ITGA8: variants seen among roughly 807,000 people sequenced by gnomAD.
ITGA8 encodes integrin subunit alpha 8, also known as integrin alpha-8.
A neutral mutation model predicts 142.3 loss-of-function variants in ITGA8; 91 were observed. The observed-to-expected ratio is 0.64, with a 90% confidence interval of 0.54 to 0.76. The LOEUF (loss-of-function observed/expected upper bound fraction) is 0.76. Among genes scored for constraint, ITGA8 ranks in the 30% least tolerant of loss-of-function variants. ITGA8 has a pLI of 0.00. For synonymous variants in ITGA8, 505 were observed against 485.2 expected (o/e 1.04, Z -0.54); for missense variants, 1,406 against 1,327.7 (o/e 1.06, Z -0.92).
chr10:15,644,699 C>T (rs77374750), intron 12 of ITGA8, among the ~76,000 whole-genome samples: 4 of 150,068 alleles, frequency 2.7e-5, no homozygotes, highest in Admixed American at 6.7e-5. Flanking sequence ...AAAGCAGTAT[C>T]GAAACTCTAA....
intron 13 of ITGA8, among the ~76,000 whole-genome samples, chr10:15,626,040 A>G (rs565391738): frequency 2.6e-5 from 4 of 152,276 alleles, no homozygotes; most frequent in Non-Finnish European, 4.4e-5. Context: ...AACAGGCAAC[A>G]TGGCACCTGC....
intron 7 of ITGA8, 48 bp from the exon 8 acceptor site, chr10:15,671,695 C>A (rs781736039): frequency 1.4e-6 from 2 of 1,451,968 alleles, no homozygotes; most frequent in Admixed American, 1.7e-5. Flanking sequence ...ATGACTTAAC[C>A]TAATGAGTTA....
At chr10:15,555,785 T>A (rs1434775424) in intron 26 of ITGA8, among the ~76,000 whole-genome samples, 3 of 150,620 alleles carry the variant, frequency 2.0e-5, no homozygotes, top group Non-Finnish European at 4.4e-5. Context: ...AAGCTCCGCC[T>A]CCCGGGTTCA....
At chr10:15,669,164 T>G (rs1588711247) in intron 8 of ITGA8, among the ~76,000 whole-genome samples, 1 of 152,210 alleles carries the variant, frequency 6.6e-6, no homozygotes, top group African/African-American at 2.4e-5. Context: ...ACCAATCAGA[T>G]GTAGATTTGG....
chr10:15,633,402 A>T (rs1833717144), intron 13 of ITGA8, among the ~76,000 whole-genome samples: 1 of 152,178 alleles, frequency 6.6e-6, no homozygotes, highest in Admixed American at 6.6e-5. Flanking sequence ...GAAACAGTCA[A>T]CATTAATTAT....
chr10:15,634,020 A>G (rs762919194), intron 13 of ITGA8, among the ~76,000 whole-genome samples: 25 of 152,200 alleles, frequency 1.6e-4, no homozygotes, highest in Non-Finnish European at 2.6e-4. Flanking sequence ...TGACACATGT[A>G]ATCTCAGGGT....
chr10:15,695,182 C>T (rs188032383), intron 2 of ITGA8, among the ~76,000 whole-genome samples: 78 of 152,132 alleles, frequency 5.1e-4, no homozygotes, highest in African/African-American at 1.7e-3. Flanking sequence ...TTCTTCTGGA[C>T]CAAGGGTACA....
At chr10:15,562,027 A>G (rs1231052277) in intron 25 of ITGA8, among the ~76,000 whole-genome samples, 2 of 152,202 alleles carry the variant, frequency 1.3e-5, no homozygotes, top group African/African-American at 4.8e-5. Flanking sequence ...CTCACTCACT[A>G]TCACGAGAAA....
At chr10:15,640,185 T>C (rs1472462684) in intron 13 of ITGA8, among the ~76,000 whole-genome samples, 1 of 152,198 alleles carries the variant, frequency 6.6e-6, no homozygotes, top group African/African-American at 2.4e-5. Context: ...AACCTTCATT[T>C]AATCCAAAAA....
chr10:15,675,783 G>C (rs944510666), intron 6 of ITGA8, among the ~76,000 whole-genome samples: 1 of 152,108 alleles, frequency 6.6e-6, no homozygotes, highest in Non-Finnish European at 1.5e-5. Context: ...TCCCCCAGTG[G>C]TTTTCCATAG....
intron 28 of ITGA8, among the ~76,000 whole-genome samples, chr10:15,524,755 A>G (rs1374696628): frequency 6.6e-6 from 1 of 152,192 alleles, no homozygotes; most frequent in Non-Finnish European, 1.5e-5. Flanking sequence ...AATATGTGTT[A>G]GTGCTGTGGG....
intron 20 of ITGA8, among the ~76,000 whole-genome samples, chr10:15,597,693 T>C (rs920442988): frequency 6.6e-6 from 1 of 152,200 alleles, no homozygotes; most frequent in Admixed American, 6.5e-5. Context: ...ATAATGTGTA[T>C]AGATTATCAT....
intron 25 of ITGA8, among the ~76,000 whole-genome samples, chr10:15,564,823 A>C (rs1165376233): frequency 6.6e-6 from 1 of 152,262 alleles, no homozygotes; most frequent in Non-Finnish European, 1.5e-5. Flanking sequence ...GCACACAAGA[A>C]ACAACAGACA....
chr10:15,642,105 G>A (rs969677347), intron 13 of ITGA8, among the ~76,000 whole-genome samples: 3 of 152,072 alleles, frequency 2.0e-5, no homozygotes, highest in African/African-American at 7.2e-5. Flanking sequence ...TCCAGCCTGA[G>A]GGCAGAGTAA....
chr10:15,635,390 GA>G (rs1833756599), intron 13 of ITGA8, among the ~76,000 whole-genome samples: 1 of 152,144 alleles, frequency 6.6e-6, no homozygotes, highest in African/African-American at 2.4e-5. Context: ...CTAGATCTGG[GA>G]TGATAGTATC....
At chr10:15,550,260 T>C (rs2131559662) in intron 26 of ITGA8, among the ~76,000 whole-genome samples, 1 of 152,322 alleles carries the variant, frequency 6.6e-6, no homozygotes, top group South Asian at 2.1e-4. Context: ...CCATTAAGCC[T>C]CTTTTTCTTT....
intron 2 of ITGA8, among the ~76,000 whole-genome samples, chr10:15,697,729 ATAT>A (rs1835083768): frequency 6.6e-6 from 1 of 152,200 alleles, no homozygotes; most frequent in African/African-American, 2.4e-5. Flanking sequence ...GTGTCATGAA[ATAT>A]TATTCTTTAA....
chr10:15,589,374 T>G (rs1445747392), intron 22 of ITGA8, among the ~76,000 whole-genome samples: 2 of 152,150 alleles, frequency 1.3e-5, no homozygotes, highest in Non-Finnish European at 2.9e-5. Context: ...ATGTGGCAAT[T>G]GCAATCTGAG....
At position 15,609,541 on chromosome 10, in the gene ITGA8, G is replaced by T. The variant is rs150689948; in HGVS notation, c.1554-1251C>A. On this transcript the variant is annotated intron_variant, in intron 15 of 29. Transcript: ENST00000378076. ...CATACCATTAAGCCAAAAGTTTCCTGAAATGTCTACGCTATTACAAGTGTT... is the reference window on the plus strand; with the variant it reads ...CATACCATTAAGCCAAAAGTTTCCTTAAATGTCTACGCTATTACAAGTGTT... 9.5e-4 allele frequency among the ~76,000 whole-genome samples: 145 copies of T among 152,288 alleles called. 2 individuals carry two copies. The East Asian group carries it at 0.022, about 23-fold the overall frequency.
Sources: allele counts gnomAD v4.1 joint callset (sites outside exome capture counted in the v4.1 genomes callset), GRCh38; gene constraint gnomAD v4.1.1; transcripts MANE v1.5; gene names NCBI Gene and HGNC (gene_info 2026-07-23, HGNC 2026-07-21).